Variants in ANO3 observed in about 807,000 individuals in gnomAD.
ANO3 encodes the protein anoctamin-3.
In ANO3, 99 loss-of-function variants were observed where a neutral mutation model predicts 144.8. The ratio of observed to expected loss-of-function variants is 0.68; its 90% CI spans 0.58 to 0.81. The LOEUF is 0.81. Among genes scored for constraint, ANO3 ranks in the 30% least tolerant of loss-of-function variants. The probability of loss-of-function intolerance (pLI) is 0.00; values close to 1 mark genes in which losing one functional copy is unlikely to be tolerated. For missense variants in ANO3, 905 were observed against 1,202.2 expected (o/e 0.75, Z 3.66); for synonymous variants, 414 against 392.6 (o/e 1.05, Z -0.64).
At position 26,431,455 on chromosome 11, in the gene ANO3, A is replaced by G. The variant is rs989129591; in HGVS notation, c.47-10463A>G. ...ACAGGGATACATGTGTAGGTTTGTT[A>G]CAGAGATAAACTCGTGCCACAGGTT... is the stretch of plus-strand genomic sequence containing the variant. On this transcript the variant is annotated intron_variant, in intron 1 of 26. Coordinates refer to ENST00000256737, the MANE Select transcript of ANO3 (RefSeq NM_031418.4). Among the ~76,000 whole-genome samples, 3 of 152,196 alleles carry G rather than the reference A, an allele frequency of 2.0e-5. No homozygotes were observed. In the South Asian group the frequency reaches 6.2e-4, roughly 32 times the overall value.
At chr11:26,483,394 G>A (rs1252484150) in intron 4 of ANO3, among the ~76,000 whole-genome samples, 2 of 152,156 alleles carry the variant, frequency 1.3e-5, no homozygotes, top group African/African-American at 2.4e-5. Context: ...GGAGGGGTCT[G>A]GTAGGATGTG....
At position 26,407,076 on chromosome 11, in the gene ANO3, G is replaced by GTGTA. The variant is rs1304651169; in HGVS notation, c.47-34841_47-34840insGTAT. Among the ~76,000 whole-genome samples, 111 of 101,506 alleles carry GTGTA rather than the reference G, an allele frequency of 1.1e-3. 1 individual carries two copies. Among genetic ancestry groups the GTGTA allele is most frequent in the South Asian group, 3.4e-3 (9 of 2,636 alleles). The allele number at this position is 101,506 out of a possible 152,430, so 66.6% of individuals were successfully genotyped here. Reference sequence around the variant, plus strand: ...TGTGTGTGTGTGTGTGTGTGTGTGTGTATATATATATATATATGTATATAT... The same window carrying GTGTA: ...TGTGTGTGTGTGTGTGTGTGTGTGTGTGTATATATATATATATATATGTATATAT... On this transcript the variant is annotated intron_variant, in intron 1 of 26. Transcript: ENST00000256737.
intron 1 of ANO3, among the ~76,000 whole-genome samples, chr11:26,240,509 T>A (rs1483047489): frequency 6.6e-6 from 1 of 152,216 alleles, no homozygotes; most frequent in Non-Finnish European, 1.5e-5. Context: ...AAATTATATA[T>A]GGCACCAGCA....
intron 18 of ANO3, among the ~76,000 whole-genome samples, chr11:26,626,828 T>C (rs1411432035): frequency 6.6e-6 from 1 of 152,214 alleles, no homozygotes; most frequent in Non-Finnish European, 1.5e-5. Flanking sequence ...TTGGGATTTC[T>C]TCAAGAGAAC....
At chr11:26,653,676 C>T (rs76420226) in intron 24 of ANO3, among the ~76,000 whole-genome samples, 2 of 151,854 alleles carry the variant, frequency 1.3e-5, no homozygotes, top group African/African-American at 2.4e-5. Flanking sequence ...GTCCCCAGTA[C>T]GTGCCAAGGT....
At chr11:26,481,711 C>G (rs971839863) in intron 4 of ANO3, among the ~76,000 whole-genome samples, 2 of 151,882 alleles carry the variant, frequency 1.3e-5, no homozygotes, top group African/African-American at 4.8e-5. Flanking sequence ...TAAAAATGGA[C>G]TAAATGAAAC....
chr11:26,310,525 T>A (rs1368244557), intron 1 of ANO3, among the ~76,000 whole-genome samples: 2 of 152,178 alleles, frequency 1.3e-5, no homozygotes, highest in Non-Finnish European at 2.9e-5. Flanking sequence ...CTGAGAGGTG[T>A]ACATTGGACT....
chr11:26,214,347 C>T (rs989886407), intron 1 of ANO3, among the ~76,000 whole-genome samples: 1 of 151,752 alleles, frequency 6.6e-6, no homozygotes, highest in African/African-American at 2.4e-5. Context: ...TGTGAGTTTA[C>T]AACTGTCATG....
In ANO3 at chr11:26,598,932, A is replaced by G. The variant is rs139932648; in HGVS notation, c.1605A>G (p.Glu535=). 6 of 1,614,040 alleles carry G rather than the reference A, an allele frequency of 3.7e-6. No individual in the cohort carries two copies. The highest frequency in any genetic ancestry group is 5.1e-6 in the Non-Finnish European group (6 of 1,179,938). Residue 535 remains glutamate (E), a synonymous_variant, in exon 16 of 27, where the codon GAA becomes GAG. Coordinates refer to ENST00000256737, the MANE Select transcript of ANO3 (RefSeq NM_031418.4). ...TAAATCCCATCACGGGAAAACCTGAACCACATCAGCCTTCCTCAGACAAAG... is the reference window on the plus strand; with the variant it reads ...TAAATCCCATCACGGGAAAACCTGAGCCACATCAGCCTTCCTCAGACAAAG... The part of the protein sequence containing the change: ...EIVNPITGKP[E]PHQPSSDKVT...
At position 26,327,039 on chromosome 11, in the gene ANO3, A is replaced by G. The variant is rs1184906088; in HGVS notation, c.-3+17320A>G. Among the ~76,000 whole-genome samples the G allele has an allele frequency of 1.3e-5, 2 of 152,210 alleles. 1 individual carries two copies. The highest frequency in any genetic ancestry group is 3.8e-4 in the East Asian group (2 of 5,202). The stretch of plus-strand genomic sequence containing the variant: ...AGAAATAAAGTCATGAAGCTATGCA[A>G]ATCTACAGACTTGTACGTAAATTTC... On this transcript the variant is annotated intron_variant, in intron 1 of 26. Transcript: ENST00000525139.
chr11:26,230,887 CTT>C (rs765457226), intron 1 of ANO3, among the ~76,000 whole-genome samples: 2 of 68,474 alleles, frequency 2.9e-5, no homozygotes, highest in African/African-American at 6.3e-5. Flanking sequence ...AAGTTTTTTT[CTT>C]TTTTTTTTTT....
chr11:26,323,854 T>A (rs1420693714), intron 1 of ANO3, among the ~76,000 whole-genome samples: 1 of 152,150 alleles, frequency 6.6e-6, no homozygotes, highest in Non-Finnish European at 1.5e-5. Context: ...AATAATACCC[T>A]TTGTGACATT....
In ANO3 at chr11:26,415,612, A is replaced by G. The variant is rs906330885; in HGVS notation, c.47-26306A>G. ...AAAAAGAGCTTACATGTCCTTATTTATTGTTCCATTTTCCTTTTTAAAGAA... is the reference window on the plus strand; with the variant it reads ...AAAAAGAGCTTACATGTCCTTATTTGTTGTTCCATTTTCCTTTTTAAAGAA... On this transcript the variant is annotated intron_variant, in intron 1 of 26. Coordinates refer to ENST00000256737, the MANE Select transcript of ANO3 (RefSeq NM_031418.4). Among the ~76,000 whole-genome samples the G allele has an allele frequency of 2.0e-5, 3 of 151,904 alleles. No individual in the cohort carries two copies. The East Asian group carries it at 5.8e-4, about 30-fold the overall frequency.
At chr11:26,406,320 G>A (rs574963144) in intron 1 of ANO3, among the ~76,000 whole-genome samples, 6 of 151,818 alleles carry the variant, frequency 4.0e-5, no homozygotes, top group African/African-American at 1.4e-4. Context: ...TAGCCCTCAT[G>A]ACTTAATCAA....
At chr11:26,468,303 C>G (rs1859670484) in intron 4 of ANO3, among the ~76,000 whole-genome samples, 3 of 151,946 alleles carry the variant, frequency 2.0e-5, no homozygotes, top group African/African-American at 4.8e-5. Flanking sequence ...CCCAAATTAA[C>G]TACAGATATT....
At chr11:26,491,241 A>T (rs1860695371) in intron 4 of ANO3, among the ~76,000 whole-genome samples, 1 of 152,134 alleles carries the variant, frequency 6.6e-6, no homozygotes, top group Non-Finnish European at 1.5e-5. Flanking sequence ...TATGATTTTA[A>T]GGGTTAGTTA....
intron 4 of ANO3, among the ~76,000 whole-genome samples, chr11:26,483,478 A>G (rs1860310585): frequency 6.6e-6 from 1 of 152,002 alleles, no homozygotes; most frequent in South Asian, 2.1e-4. Flanking sequence ...GGTTGCAAAA[A>G]TGTTTGTGGC....
chr11:26,198,622 G>A (rs1205300004), intron 1 of ANO3, among the ~76,000 whole-genome samples: 2 of 152,114 alleles, frequency 1.3e-5, no homozygotes, highest in Admixed American at 6.6e-5. Context: ...GCATTCATTC[G>A]TGTGTTTGTC....
chr11:26,226,990 A>G (rs923515307), intron 1 of ANO3, among the ~76,000 whole-genome samples: 1 of 152,056 alleles, frequency 6.6e-6, no homozygotes, highest in Non-Finnish European at 1.5e-5. Flanking sequence ...TTCTGTCTCT[A>G]TGAATGTGGC....
Sources: allele counts gnomAD v4.1 joint callset (sites outside exome capture counted in the v4.1 genomes callset), GRCh38; gene constraint gnomAD v4.1.1; transcripts MANE v1.5; gene names NCBI Gene and HGNC (gene_info 2026-07-23, HGNC 2026-07-21).